Variants in TOX2 observed in about 807,000 individuals in gnomAD.
The protein encoded by TOX2 is TOX high mobility group box family member 2, also known as granulosa cell HMG box 1.
Under a neutral mutation model 47.4 loss-of-function variants are expected in TOX2, and 15 were observed. The ratio of observed to expected loss-of-function variants is 0.32; its 90% CI spans 0.21 to 0.49. The LOEUF is 0.49. TOX2 is among the 20% of genes least tolerant of loss of function. The probability of loss-of-function intolerance (pLI) is 0.99; values close to 1 mark genes in which losing one functional copy is unlikely to be tolerated. For synonymous variants in TOX2, 290 were observed against 296.6 expected, an observed-to-expected ratio of 0.98 and a Z score of 0.23; for missense variants, 622 against 673.1, an observed-to-expected ratio of 0.92 and a Z score of 0.84.
At chr20:44,051,866 G>A (rs551140524) in intron 4 of TOX2, among the ~76,000 whole-genome samples, 3 of 152,202 alleles carry the variant, frequency 2.0e-5, no homozygotes, top group Non-Finnish European at 4.4e-5. Flanking sequence ...TCCAAGTGCT[G>A]AGCGTCCTTG....
chr20:43,989,781 G>GAAA (rs35693609), intron 2 of TOX2, among the ~76,000 whole-genome samples: 1 of 113,286 alleles, frequency 8.8e-6, no homozygotes, highest in Non-Finnish European at 1.9e-5. Flanking sequence ...CTCTGTCTCA[G>GAAA]AAAAAAAAAA....
At chr20:43,975,562 CA>C (rs1233772200) in intron 2 of TOX2, among the ~76,000 whole-genome samples, 1 of 152,160 alleles carries the variant, frequency 6.6e-6, no homozygotes, top group Non-Finnish European at 1.5e-5. Flanking sequence ...CGGAGCTCCA[CA>C]AGCCTCCCTT....
chr20:44,006,717 C>G lies in TOX2; in HGVS notation c.336C>G (p.Ala112=), dbSNP rs1413750562. 1 of 1,614,142 alleles carries G rather than the reference C, an allele frequency of 6.2e-7. No individual in the cohort carries two copies. The highest frequency in any genetic ancestry group is 8.5e-7 in the Non-Finnish European group (1 of 1,180,048). ...TGCTCCCTGCCTACTCCTATCAGGCCATGGACCTCCCAGCCATCATGGTGT... is the reference window on the plus strand; with the variant it reads ...TGCTCCCTGCCTACTCCTATCAGGCGATGGACCTCCCAGCCATCATGGTGT... The part of the protein sequence containing the change: ...NGLLPAYSYQ[A]MDLPAIMVSN... Residue 112 remains alanine, a synonymous_variant, in exon 3 of 9, where the codon GCC becomes GCG. Transcript: ENST00000341197.
At chr20:43,988,169 C>T (rs2070304755) in intron 2 of TOX2, among the ~76,000 whole-genome samples, 2 of 152,086 alleles carry the variant, frequency 1.3e-5, no homozygotes, top group South Asian at 2.1e-4. Flanking sequence ...CTGCCCGCCT[C>T]GGCCTCCCAA....
At chr20:43,993,997 T>C (rs973810235) in intron 2 of TOX2, among the ~76,000 whole-genome samples, 1 of 150,570 alleles carries the variant, frequency 6.6e-6, no homozygotes, top group Non-Finnish European at 1.5e-5. Context: ...TACAAAAAAA[T>C]AAAAAATAGT....
chr20:43,962,526 T>C (rs865868374), intron 1 of TOX2, among the ~76,000 whole-genome samples: 7 of 152,352 alleles, frequency 4.6e-5, no homozygotes, highest in African/African-American at 1.4e-4. Flanking sequence ...GGCAGAGCCC[T>C]AGACTGGGAT....
At chr20:44,025,341 A>G (rs539660385) in intron 3 of TOX2, among the ~76,000 whole-genome samples, 2 of 150,936 alleles carry the variant, frequency 1.3e-5, no homozygotes, top group Admixed American at 1.3e-4. Flanking sequence ...TTGCACCCCC[A>G]TGTCCATTCG....
chr20:44,005,540 C>A (rs2070663345), intron 2 of TOX2, among the ~76,000 whole-genome samples: 1 of 152,206 alleles, frequency 6.6e-6, no homozygotes, highest in African/African-American at 2.4e-5. Context: ...AACAAAACAT[C>A]AGCCAACAAA....
chr20:44,025,834 GC>G (rs1254899131), intron 3 of TOX2, among the ~76,000 whole-genome samples: 15 of 151,856 alleles, frequency 9.9e-5, no homozygotes, highest in Non-Finnish European at 8.8e-5. Context: ...CACCCTTTCA[GC>G]CTCAGCTTTC....
At chr20:43,979,994 G>A (rs1004967677) in intron 2 of TOX2, among the ~76,000 whole-genome samples, 4 of 152,140 alleles carry the variant, frequency 2.6e-5, no homozygotes, top group African/African-American at 9.7e-5. Flanking sequence ...TAAAAATAGA[G>A]CTACCATATG....
intron 3 of TOX2, among the ~76,000 whole-genome samples, chr20:44,048,283 C>T (rs866382941): frequency 4.6e-5 from 7 of 150,786 alleles, no homozygotes; most frequent in Middle Eastern, 3.2e-3. Context: ...CGTGTATTCA[C>T]AATATTACAA....
At chr20:43,957,291 CTTGTCCCCATTCTGTT>C (rs2069684195) in intron 1 of TOX2, among the ~76,000 whole-genome samples, 1 of 152,196 alleles carries the variant, frequency 6.6e-6, no homozygotes, top group Non-Finnish European at 1.5e-5. Flanking sequence ...GGATAACCCT[CTTGTCCCCATTCTGTT>C]TATTATATAA....
chr20:44,053,609 C>CTAT (rs148964692), intron 4 of TOX2, among the ~76,000 whole-genome samples: 10 of 147,912 alleles, frequency 6.8e-5, no homozygotes, highest in African/African-American at 2.5e-4. Context: ...CATATATATA[C>CTAT]ATATACACAC....
chr20:43,921,245 C>T (rs34610476), intron 1 of TOX2, among the ~76,000 whole-genome samples: 14,284 of 152,218 alleles, frequency 0.094, 751 homozygotes, highest in Middle Eastern at 0.15. Flanking sequence ...TGTGCCTCCC[C>T]CTTGGTCCAG....
chr20:43,953,439 T>C (rs1273177878), intron 1 of TOX2, among the ~76,000 whole-genome samples: 1 of 152,160 alleles, frequency 6.6e-6, no homozygotes, highest in Non-Finnish European at 1.5e-5. Flanking sequence ...CAGAGGTGTC[T>C]CTTAACATAG....
At chr20:44,057,567 A>C (rs2071643314) in intron 5 of TOX2, among the ~76,000 whole-genome samples, 1 of 152,236 alleles carries the variant, frequency 6.6e-6, no homozygotes, top group South Asian at 2.1e-4. Flanking sequence ...TCAAATCATC[A>C]AAGAGCTAAT....
At chr20:44,008,071 T>C (rs894916008) in intron 3 of TOX2, among the ~76,000 whole-genome samples, 1 of 151,622 alleles carries the variant, frequency 6.6e-6, no homozygotes, top group African/African-American at 2.4e-5. Flanking sequence ...CTTTCCCAGG[T>C]TGGGGGAATA....
At chr20:43,981,188 G>A (rs745885837) in intron 2 of TOX2, among the ~76,000 whole-genome samples, 1 of 152,190 alleles carries the variant, frequency 6.6e-6, no homozygotes, top group African/African-American at 2.4e-5. Flanking sequence ...AGTTCTTATG[G>A]GGAAACAGGT....
At chr20:43,948,683 C>T (rs1249802240) in intron 1 of TOX2, among the ~76,000 whole-genome samples, 1 of 152,206 alleles carries the variant, frequency 6.6e-6, no homozygotes, top group African/African-American at 2.4e-5. Context: ...CCAGGAGCTG[C>T]CATCTCCGTC....
Sources: allele counts gnomAD v4.1 joint callset (sites outside exome capture counted in the v4.1 genomes callset), GRCh38; gene constraint gnomAD v4.1.1; transcripts MANE v1.5; gene names NCBI Gene and HGNC (gene_info 2026-07-23, HGNC 2026-07-21).